Variants in NAALADL2 observed in about 807,000 individuals in gnomAD.
The protein encoded by NAALADL2 is N-acetylated alpha-linked acidic dipeptidase like 2.
NAALADL2 carries 76 observed loss-of-function variants against 87.2 expected under a neutral mutation model. The observed-to-expected ratio is 0.87, with a 90% confidence interval of 0.72 to 1.05. NAALADL2 has a LOEUF of 1.05. Ranked by LOEUF, NAALADL2 falls within the 50% of genes least tolerant of loss-of-function variation. The probability of loss-of-function intolerance (pLI) is 0.00; values close to 1 mark genes in which losing one functional copy is unlikely to be tolerated. For missense variants in NAALADL2, 1,089 were observed against 945.8 expected (o/e 1.15, Z -1.99); for synonymous variants, 354 against 331.0 (o/e 1.07, Z -0.75).
chr3:175,655,573 C>G, intron 11 of NAALADL2: 1 of 238,278 alleles, frequency 4.2e-6, no homozygotes, highest in Non-Finnish European at 8.9e-6. Flanking sequence ...TACAAAGTCA[C>G]TGTTGAAAAT....
intron 11 of NAALADL2, among the ~76,000 whole-genome samples, chr3:175,714,128 T>A: frequency 6.6e-6 from 1 of 152,100 alleles, no homozygotes; most frequent in Non-Finnish European, 1.5e-5. Flanking sequence ...TCCAGTGTAT[T>A]ATTGATGGGC....
chr3:175,509,789 A>G (rs1305078553), intron 9 of NAALADL2, among the ~76,000 whole-genome samples: 1 of 152,208 alleles, frequency 6.6e-6, no homozygotes, highest in Non-Finnish European at 1.5e-5. Context: ...GGGAGTCCTC[A>G]GGAAACTTAC....
intron 1 of NAALADL2, among the ~76,000 whole-genome samples, chr3:174,875,986 G>GT (rs539865859): frequency 0.01 from 1,457 of 143,948 alleles, 16 homozygotes; most frequent in African/African-American, 0.031. Context: ...GTGAAACCTT[G>GT]TTTTTTTTTT....
At chr3:174,834,296 G>A (rs894932565) in intron 3 of NAALADL2, among the ~76,000 whole-genome samples, 7 of 146,636 alleles carry the variant, frequency 4.8e-5, no homozygotes, top group African/African-American at 1.8e-4. Flanking sequence ...AATTGAAAAA[G>A]ATTGTTTTCT....
At chr3:175,044,791 T>C (rs1266109110) in intron 1 of NAALADL2, among the ~76,000 whole-genome samples, 3 of 152,156 alleles carry the variant, frequency 2.0e-5, no homozygotes, top group Non-Finnish European at 2.9e-5. Context: ...GATTTCTTTC[T>C]AGTATCTTTC....
chr3:174,668,610 C>T (rs554590822), intron 2 of NAALADL2, among the ~76,000 whole-genome samples: 70 of 152,156 alleles, frequency 4.6e-4, no homozygotes, highest in Admixed American at 1.1e-3. Context: ...TGTGATGTTT[C>T]CCTTCCTGTG....
intron 11 of NAALADL2, among the ~76,000 whole-genome samples, chr3:175,627,736 C>T (rs1727190054): frequency 6.6e-6 from 1 of 151,638 alleles, no homozygotes; most frequent in Admixed American, 6.6e-5. Context: ...GTTGATTAAA[C>T]TAGGTGACAT....
chr3:175,764,351 C>G lies in NAALADL2; in HGVS notation c.2189+8933C>G, dbSNP rs138587592. ...GGCATAATCAGGAGTTTGGAGAGCA[C>G]AGCCCATTTGTAATTTGAGGGACAG... On this transcript the variant is annotated intron_variant, in intron 13 of 13. Coordinates refer to ENST00000454872, the MANE Select transcript of NAALADL2 (RefSeq NM_207015.3). Among the ~76,000 whole-genome samples the G allele has an allele frequency of 4.4e-3, 674 of 152,010 alleles. 8 individuals are homozygous for G. Among genetic ancestry groups the G allele is most frequent in the African/African-American group, 0.016 (653 of 41,482 alleles).
intron 4 of NAALADL2, among the ~76,000 whole-genome samples, chr3:175,259,172 G>A (rs896205708): frequency 1.3e-5 from 2 of 152,262 alleles, no homozygotes; most frequent in African/African-American, 4.8e-5. Context: ...AGTAACATAA[G>A]AAAAATCCTA....
At chr3:175,377,164 T>A (rs1351361229) in intron 5 of NAALADL2, among the ~76,000 whole-genome samples, 1 of 152,002 alleles carries the variant, frequency 6.6e-6, no homozygotes, top group African/African-American at 2.4e-5. Flanking sequence ...AATACAAAAA[T>A]TAGTTGGGCC....
In NAALADL2 at chr3:175,463,409, G is replaced by C; in HGVS notation, c.1243G>C (p.Val415Leu). 1 of 1,576,630 alleles carries C rather than the reference G, an allele frequency of 6.3e-7. No individual in the cohort carries two copies. The highest frequency in any genetic ancestry group is 8.6e-7 in the Non-Finnish European group (1 of 1,160,026). ...SLELPNNEIR[V>L]VSMQVQTVTK... is the part of the protein sequence containing the mutation. ...AATTTTTATTTTTTCAGAAATAAGA[G>C]TCGTCAGCATGCAAGTTCAGACAGT... Residue 415 changes from valine (V) to leucine (L), a missense_variant, in exon 7 of 14, where the codon GTC (valine) becomes CTC (leucine). Transcript: ENST00000454872.
intron 3 of NAALADL2, among the ~76,000 whole-genome samples, chr3:174,804,401 G>T (rs912968983): frequency 3.3e-5 from 5 of 152,170 alleles, no homozygotes; most frequent in Admixed American, 1.3e-4. Context: ...ATACTATCAT[G>T]TCGTCTGCAA....
rs1420608452 is a variant in NAALADL2, at chr3:175,619,420, G to A, written c.1801-7871G>A. Among the ~76,000 whole-genome samples the A allele has an allele frequency of 4.8e-5, 7 of 146,866 alleles. No homozygotes were observed. In the Admixed American group the frequency reaches 4.8e-4, roughly 10 times the overall value. On this transcript the variant is annotated intron_variant, in intron 10 of 13. Transcript: ENST00000454872. ...GGAAAAAAAAATAATCCATTGCATA[G>A]AAAACCTTCTTCTAGTATTTGCAGG... is the stretch of plus-strand genomic sequence containing the variant.
intron 1 of NAALADL2, chr3:174,536,816 T>C (rs1241494313): frequency 2.0e-5 from 3 of 152,200 alleles, no homozygotes; most frequent in East Asian, 3.8e-4. Flanking sequence ...TTTACATACA[T>C]ATTTTGTCAC....
At chr3:174,500,434 C>T (rs1017476115) in intron 1 of NAALADL2, among the ~76,000 whole-genome samples, 1 of 152,132 alleles carries the variant, frequency 6.6e-6, no homozygotes, top group East Asian at 1.9e-4. Context: ...TCCCCCTCCT[C>T]CCACTCCCCA....
At chr3:175,548,798 A>T (rs756083517) in intron 9 of NAALADL2, among the ~76,000 whole-genome samples, 16 of 152,036 alleles carry the variant, frequency 1.1e-4, no homozygotes, top group Admixed American at 1.3e-4. Context: ...AGTCTAATTG[A>T]AATATGAATA....
intron 11 of NAALADL2, among the ~76,000 whole-genome samples, chr3:175,648,090 C>G (rs1216643737): frequency 6.6e-6 from 1 of 152,138 alleles, no homozygotes; most frequent in Non-Finnish European, 1.5e-5. Context: ...GGAGATTTAG[C>G]ATATTTGCTT....
chr3:175,109,665 A>G (rs17589118), intron 2 of NAALADL2, among the ~76,000 whole-genome samples: 3,119 of 151,958 alleles, frequency 0.021, 52 homozygotes, highest in Admixed American at 0.031. Flanking sequence ...ACTGTGCTCT[A>G]TGAGGGTGGA....
chr3:175,594,611 C>T (rs889257922), intron 10 of NAALADL2, among the ~76,000 whole-genome samples: 25 of 152,168 alleles, frequency 1.6e-4, no homozygotes, highest in Non-Finnish European at 7.3e-5. Context: ...AACTAATTTA[C>T]ATTCCCATCA....
Sources: gnomAD v4.1 joint callset for allele counts (sites outside exome capture counted in the v4.1 genomes callset) on GRCh38, gnomAD v4.1.1 for gene constraint, MANE v1.5 for transcripts, NCBI Gene and HGNC (gene_info 2026-07-23, HGNC 2026-07-21) for gene names.